LILRB5: variants seen among roughly 807,000 people sequenced by gnomAD.
The protein encoded by LILRB5 is leukocyte immunoglobulin like receptor B5.
LILRB5 carries 61 observed loss-of-function variants against 68.4 expected under a neutral mutation model. That is an observed-to-expected ratio of 0.89 (90% CI 0.73 to 1.10). The LOEUF is 1.10. Ranked by LOEUF, LILRB5 falls within the 50% of genes least tolerant of loss-of-function variation. The probability of loss-of-function intolerance (pLI) is 0.00; values close to 1 mark genes in which losing one functional copy is unlikely to be tolerated. For synonymous variants in LILRB5, 356 were observed against 315.8 expected (o/e 1.13, Z -1.35); for missense variants, 771 against 751.6 (o/e 1.03, Z -0.30).
chr19:54,257,026 C>A, intron 1 of LILRB5, 30 bp from the exon 2 acceptor site: 1 of 1,614,192 alleles, frequency 6.2e-7, no homozygotes, highest in Non-Finnish European at 8.5e-7. Context: ...GAGGGATTTG[C>A]CCCTGGAAGC....
At chr19:54,251,609 T>G (rs568094991) in intron 12 of LILRB5, 2 of 568,496 alleles carry the variant, frequency 3.5e-6, no homozygotes, top group Admixed American at 4.5e-5. Context: ...CTGGACACGA[T>G]GCATTTATTT....
chr19:54,250,744 G>C lies in LILRB5; in HGVS notation c.*42C>G. 1.2e-6 allele frequency: 2 copies of C among 1,613,064 alleles called. No homozygotes were observed. Among genetic ancestry groups the C allele is most frequent in the Non-Finnish European group, 1.7e-6 (2 of 1,179,330 alleles). On this transcript the variant is annotated 3_prime_UTR_variant, in exon 13 of 13. Transcript: ENST00000449561. Reference sequence around the variant, plus strand: ...AGCTCCTGTGCCTTCTGGAGTCTCTGAGTCTCCTTCTGTTGAGTATGAGAT... The same window carrying C: ...AGCTCCTGTGCCTTCTGGAGTCTCTCAGTCTCCTTCTGTTGAGTATGAGAT...
chr19:54,252,848 G>A lies in LILRB5; in HGVS notation c.1474+23C>T, dbSNP rs758708664. ...CCGAGCCCACCCTCGGTCGGCCCAC[G>A]GGTTCCCCCATTCCCTACTCACCCG... On this transcript the variant is annotated intron_variant, in intron 9 of 12. Coordinates refer to ENST00000449561, the MANE Select transcript of LILRB5 (RefSeq NM_001081442.3). The A allele has an allele frequency of 2.1e-5, 33 of 1,594,534 alleles. 1 individual carries two copies. The highest frequency in any genetic ancestry group is 1.3e-4 in the African/African-American group (10 of 74,376).
intron 4 of LILRB5, 110 bp downstream of exon 4, chr19:54,255,929 CCCAT>C (rs373478169): frequency 1.1e-6 from 1 of 898,472 alleles, no homozygotes; most frequent in African/African-American, 1.7e-5. Context: ...ACGCCTTCAG[CCCAT>C]CCATCAACAC....
Position 54,250,644 on chromosome 19 carries a change from A to T in LILRB5, c.*142T>A. 1 of 1,028,164 alleles carries T rather than the reference A, an allele frequency of 9.7e-7. No individual in the cohort carries two copies. The highest frequency in any genetic ancestry group is 1.4e-6 in the Non-Finnish European group (1 of 704,326). The allele number at this position is 1,028,164 out of a possible 1,614,324, so 63.7% of individuals were successfully genotyped here. ...TTGACTGCAGAATCTAGTGAGTCCC[A>T]GAGTTCCCAGGATGTCCTGGTGGTC... On this transcript the variant is annotated 3_prime_UTR_variant, in exon 13 of 13. Coordinates refer to ENST00000449561, the MANE Select transcript of LILRB5 (RefSeq NM_001081442.3).
Position 54,256,128 on chromosome 19 carries a change from C to T in LILRB5, c.570G>A (p.Arg190=). The change falls in exon 4 of 13, where the codon AGG becomes AGA. Residue 190 remains arginine, a synonymous_variant. Transcript: ENST00000449561. ...FPVGPVTPSC[R]WRFRCYYYYR... is the part of the protein sequence containing the mutation. ...AATAGTAATAGCATCTGAACCTCCA[C>T]CTGCAGCTGGGGGTCACGGGACCCA... 2 of 1,609,046 alleles carry T rather than the reference C, an allele frequency of 1.2e-6. No individual in the cohort carries two copies. The highest frequency in any genetic ancestry group is 8.5e-7 in the Non-Finnish European group (1 of 1,177,850).
At position 54,254,941 on chromosome 19, in the gene LILRB5, A is replaced by C. The variant is rs568182219; in HGVS notation, c.1049T>G (p.Ile350Arg). Residue 350 changes from isoleucine (I) to arginine (R), a missense_variant, in exon 6 of 13, where the codon ATA becomes AGA. Transcript: ENST00000449561. ...VTLLCQSWHQ[I>R]DTFFLTKEGA... ...CTCCTTGGTCAAAAAGAAAGTGTCT[A>C]TCTGATGCCATGACTGACACAGCAG... The C allele has an allele frequency of 1.8e-5, 29 of 1,613,840 alleles. No homozygotes were observed. In the South Asian group the frequency reaches 3.1e-4, roughly 17 times the overall value.
intron 8 of LILRB5, 149 bp downstream of exon 8, chr19:54,253,869 C>A: frequency 6.6e-7 from 1 of 1,516,294 alleles, no homozygotes; most frequent in South Asian, 1.3e-5. Context: ...CAATGCAGGC[C>A]TCTCTCCTTT....
Position 54,256,971 on chromosome 19 carries a change from G to C in LILRB5, c.60C>G (p.Cys20Trp), listed in dbSNP as rs768396193. 1.2e-6 allele frequency: 2 copies of C among 1,614,172 alleles called. No individual in the cohort carries two copies. The highest frequency in any genetic ancestry group is 1.7e-6 in the Non-Finnish European group (2 of 1,180,024). ...TGGGGACAGACTCACCTGCCTGCACGCAGGTCCTGGGGCCCACACTCAGCC... is the reference window on the plus strand; with the variant it reads ...TGGGGACAGACTCACCTGCCTGCACCCAGGTCCTGGGGCCCACACTCAGCC... ...CLGLSVGPRT[C>W]VQAGTLPKPT... is the part of the protein sequence containing the mutation. The change falls in exon 2 of 13, where the codon TGC becomes TGG. Residue 20 changes from cysteine (C) to tryptophan (W), a missense_variant. By Grantham distance (215) the Cys-to-Trp change is radical. Coordinates refer to ENST00000449561, the MANE Select transcript of LILRB5 (RefSeq NM_001081442.3).
At chr19:54,253,573 G>C in intron 8 of LILRB5, 2 of 400,786 alleles carry the variant, frequency 5.0e-6, no homozygotes, top group African/African-American at 2.1e-5. Flanking sequence ...TTTTGCTTAC[G>C]CCTCGCAGCA....
rs564549152 is a variant in LILRB5 at position 54,256,746 on chromosome 19, G to T, written c.98C>A (p.Ala33Asp). 44 of 1,613,950 alleles carry T rather than the reference G, an allele frequency of 2.7e-5. No homozygotes were observed. The highest frequency in any genetic ancestry group is 3.6e-5 in the Non-Finnish European group (43 of 1,180,010). Residue 33 changes from alanine to aspartate, a missense_variant, in exon 3 of 13, where the codon GCT (alanine) becomes GAT (aspartate). Physicochemically the swap from Ala to Asp is moderately radical, Grantham distance 126. Coordinates refer to ENST00000449561, the MANE Select transcript of LILRB5 (RefSeq NM_001081442.3). ...AGTLPKPTLW[A>D]EPASVIARGK... ...CCGAGCTATCACAGAGGCTGGCTCAGCCCAGAGGGTGGGTTTGGGGAGGGT... is the reference window on the plus strand; with the variant it reads ...CCGAGCTATCACAGAGGCTGGCTCATCCCAGAGGGTGGGTTTGGGGAGGGT...
chr19:54,252,671 G>GT, intron 9 of LILRB5, 122 bp from the exon 10 acceptor site: 2 of 1,173,374 alleles, frequency 1.7e-6, no homozygotes. Context: ...TAAATACGTC[G>GT]TAAGTTTAAA....
chr19:54,256,669 G>C lies in LILRB5; in HGVS notation c.175C>G (p.Arg59Gly). 3 of 1,614,138 alleles carry C rather than the reference G, an allele frequency of 1.9e-6. No individual in the cohort carries two copies. The highest frequency in any genetic ancestry group is 2.5e-6 in the Non-Finnish European group (3 of 1,180,016). The change falls in exon 3 of 13, where the codon CGT becomes GGT. Residue 59 changes from arginine (R) to glycine (G), a missense_variant. Arg to Gly is a moderately radical substitution (Grantham distance 125). Transcript: ENST00000449561. ...CQGPLETEEY[R>G]LDKEGLPWAR... ...CATGGGAGTCCCTCCTTATCCAGAC[G>C]GTACTCCTCAGTCTCCAGGGGCCCC...
chr19:54,254,809 C>A lies in LILRB5; in HGVS notation c.1181G>T (p.Arg394Leu). 1 of 1,614,150 alleles carries A rather than the reference C, an allele frequency of 6.2e-7. No individual in the cohort carries two copies. Among genetic ancestry groups the A allele is most frequent in the Non-Finnish European group, 8.5e-7 (1 of 1,180,008 alleles). The part of the protein sequence containing the change: ...PVTSAQGGTY[R>L]CYSAIRSYPY... ...GTAGGACCTGATTGCGCTGTAGCAT[C>A]GGTAGGTTCCACCCTGGGCTGAGGT... Residue 394 changes from arginine to leucine, a missense_variant, in exon 6 of 13, where the codon CGA becomes CTA. Physicochemically the swap from Arg to Leu is moderately radical, Grantham distance 102. Transcript: ENST00000449561.
intron 8 of LILRB5, 167 bp from the exon 9 acceptor site, chr19:54,253,154 G>A: frequency 3.2e-6 from 1 of 316,210 alleles, no homozygotes. Flanking sequence ...GAGGCTCAGA[G>A]AGGGGAATCG....
At chr19:54,255,071 C>T in intron 5 of LILRB5, 34 bp from the exon 6 acceptor site, 1 of 1,567,386 alleles carries the variant, frequency 6.4e-7, no homozygotes, top group Non-Finnish European at 8.7e-7. Flanking sequence ...GGGGCTGCCC[C>T]ACCTTGCTCT....
Position 54,256,989 on chromosome 19 carries a change from A to C in LILRB5, c.42T>G (p.Ser14Arg), listed in dbSNP as rs1157228489. The C allele has an allele frequency of 6.2e-7, 1 of 1,613,856 alleles. No homozygotes were observed. The highest frequency in any genetic ancestry group is 8.5e-7 in the Non-Finnish European group (1 of 1,179,990). Residue 14 changes from serine (S) to arginine (R), a missense_variant, in exon 2 of 13, where the codon AGT becomes AGG. Coordinates refer to ENST00000449561, the MANE Select transcript of LILRB5 (RefSeq NM_001081442.3). Reference sequence around the variant, plus strand: ...CCTGCACGCAGGTCCTGGGGCCCACACTCAGCCCTGGAAGAGAGTTCCCTG... The same window carrying C: ...CCTGCACGCAGGTCCTGGGGCCCACCCTCAGCCCTGGAAGAGAGTTCCCTG... ...TLSVLICLGL[S>R]VGPRTCVQAG...
At chr19:54,254,185 C>G in intron 7 of LILRB5, 117 bp from the exon 8 acceptor site, 4 of 1,507,412 alleles carry the variant, frequency 2.7e-6, no homozygotes, top group Non-Finnish European at 3.6e-6. Context: ...CGACGCCCGC[C>G]CCCTCACCGG....
chr19:54,253,334 T>G (rs1264094491), intron 8 of LILRB5: 1 of 189,484 alleles, frequency 5.3e-6, no homozygotes, highest in Admixed American at 5.5e-5. Flanking sequence ...CTTCTTAGGA[T>G]CCTCCCTTCC....
Sources: gnomAD v4.1 joint callset for allele counts on GRCh38, gnomAD v4.1.1 for gene constraint, MANE v1.5 for transcripts, NCBI Gene and HGNC (gene_info 2026-07-23, HGNC 2026-07-21) for gene names.